The following SLC7A9 variants were observed in gnomAD, a reference collection of about 807,000 sequenced individuals.
SLC7A9 encodes solute carrier family 7 member 9, also known as B(0,+)-type amino acid transporter 1.
SLC7A9 carries 38 observed loss-of-function variants against 54.1 expected under a neutral mutation model. The observed-to-expected ratio is 0.70, with a 90% CI of 0.54 to 0.92. The LOEUF (loss-of-function observed/expected upper bound fraction) is 0.92. Among genes scored for constraint, SLC7A9 ranks in the 40% least tolerant of loss-of-function variants. SLC7A9 has a pLI of 0.00. For synonymous variants in SLC7A9, 264 were observed against 258.9 expected (o/e 1.02, Z -0.19); for missense variants, 537 against 636.1 (o/e 0.84, Z 1.68).
rs1416653365 is a variant in SLC7A9 at position 32,868,253 on chromosome 19, A to T, written c.87+195T>A. 2.6e-5 allele frequency among the ~76,000 whole-genome samples: 4 copies of T among 151,174 alleles called. No individual in the cohort carries two copies. The East Asian group carries it at 7.7e-4, about 29-fold the overall frequency. ...CTCAAAAAAAAAAAAAAAAAAAAGA[A>T]GATGCAGAATTCCCTGGCGAGAGGG... On this transcript the variant is annotated intron_variant, in intron 2 of 12. Coordinates refer to ENST00000023064, the MANE Select transcript of SLC7A9 (RefSeq NM_014270.5).
rs959513717 is a variant in SLC7A9, at chr19:32,860,225, C to T, written c.750-261G>A. On this transcript the variant is annotated intron_variant, in intron 7 of 12. Coordinates refer to ENST00000023064, the MANE Select transcript of SLC7A9 (RefSeq NM_014270.5). ...TTAGGAGCCACTGCTCTGTCCCAAA[C>T]CAAACCAAACTCTAAGCGTGCATAG... 4.9e-6 allele frequency: 7 copies of T among 1,430,344 alleles called. No individual in the cohort carries two copies. The East Asian group carries it at 1.9e-4, about 39-fold the overall frequency. 88.6% of individuals were successfully genotyped at this position (1,430,344 alleles called of 1,614,324 possible). A position where few individuals can be genotyped will look rare whatever the true frequency, so the allele number is the denominator to read the frequency against.
At chr19:32,851,668 T>C (rs924321427) in intron 9 of SLC7A9, among the ~76,000 whole-genome samples, 3 of 152,140 alleles carry the variant, frequency 2.0e-5, no homozygotes, top group African/African-American at 7.2e-5. Flanking sequence ...ATCGCATTAC[T>C]GGGTATATAC....
intron 12 of SLC7A9, 156 bp downstream of exon 12, chr19:32,832,993 T>A: frequency 3.9e-6 from 3 of 761,426 alleles, no homozygotes; most frequent in Non-Finnish European, 7.2e-6. Context: ...GACCCAGAGG[T>A]GTACAGTGAG....
chr19:32,836,884 GTCTGATAAGA>G (rs541229455), intron 11 of SLC7A9, among the ~76,000 whole-genome samples: 53 of 152,288 alleles, frequency 3.5e-4, no homozygotes, highest in South Asian at 6.2e-4. Flanking sequence ...CTGAGCACTT[GTCTGATAAGA>G]TCACAGCCCC....
At position 32,839,369 on chromosome 19, in the gene SLC7A9, A is replaced by G. The variant is rs959551595; in HGVS notation, c.1224+2799T>C. On this transcript the variant is annotated intron_variant, in intron 11 of 12. Transcript: ENST00000023064. Reference sequence around the variant, plus strand: ...GGAGTTCGAGACCAGCCTGACCAACATGGTGAAACCCTGTCTCTACTAAAA... The same window carrying G: ...GGAGTTCGAGACCAGCCTGACCAACGTGGTGAAACCCTGTCTCTACTAAAA... 1.3e-5 allele frequency among the ~76,000 whole-genome samples: 2 copies of G among 152,208 alleles called. 1 individual carries two copies. Among genetic ancestry groups the G allele is most frequent in the Admixed American group, 1.3e-4 (2 of 15,272 alleles).
chr19:32,867,790 C>T (rs1167250205), intron 2 of SLC7A9, among the ~76,000 whole-genome samples: 1 of 151,198 alleles, frequency 6.6e-6, no homozygotes, highest in South Asian at 2.1e-4. Flanking sequence ...ACTGAAAATA[C>T]AAAAATTAGC....
At chr19:32,861,682 G>A (rs1968803596) in intron 6 of SLC7A9, among the ~76,000 whole-genome samples, 1 of 152,124 alleles carries the variant, frequency 6.6e-6, no homozygotes, top group Non-Finnish European at 1.5e-5. Context: ...GGGCATGGCA[G>A]CTCCTATCTG....
In SLC7A9 at chr19:32,864,301, G is replaced by A. The variant is rs1968896728; in HGVS notation, c.273C>T (p.Thr91=). The A allele has an allele frequency of 1.2e-6, 2 of 1,614,062 alleles. No individual in the cohort carries two copies. Among genetic ancestry groups the A allele is most frequent in the African/African-American group, 2.7e-5 (2 of 75,034 alleles). The change falls in exon 4 of 13, where the codon ACC becomes ACT. Residue 91 remains threonine, a synonymous_variant. Coordinates refer to ENST00000023064, the MANE Select transcript of SLC7A9 (RefSeq NM_014270.5). The part of the protein sequence containing the change: ...LCFAELGTMI[T]KSGGEYPYLM... ...GGTAGGGATACTCTCCCCCTGACTT[G>A]GTGATCATTGTGCCAAGCTCCGCAA...
intron 9 of SLC7A9, 77 bp downstream of exon 9, chr19:32,858,363 G>A (rs1599678715): frequency 2.0e-6 from 2 of 1,010,058 alleles, no homozygotes; most frequent in East Asian, 5.0e-5. Context: ...GAGGATTTTA[G>A]CTGTGTGTCT....
rs142691713 is a variant in SLC7A9 at position 32,839,173 on chromosome 19, A to G, written c.1224+2995T>C. Among the ~76,000 whole-genome samples the G allele has an allele frequency of 4.7e-3, 710 of 152,178 alleles. 5 individuals are homozygous for G. The highest frequency in any genetic ancestry group is 0.013 in the African/African-American group (553 of 41,502). The stretch of plus-strand genomic sequence containing the variant: ...ACTTCTGTCCCCTTTATCTCTCATC[A>G]TTAATCTTAGTTCTATAATTTGATA... On this transcript the variant is annotated intron_variant, in intron 11 of 12. Transcript: ENST00000023064.
chr19:32,862,400 T>C, intron 5 of SLC7A9, 61 bp downstream of exon 5: 2 of 1,607,694 alleles, frequency 1.2e-6, no homozygotes, highest in Non-Finnish European at 1.7e-6. Context: ...AGGCTGCTCC[T>C]GCTCCCAGTG....
chr19:32,861,919 CT>C lies in SLC7A9; in HGVS notation c.704+198del, dbSNP rs779400170. On this transcript the variant is annotated intron_variant, in intron 6 of 12. Coordinates refer to ENST00000023064, the MANE Select transcript of SLC7A9 (RefSeq NM_014270.5). The stretch of plus-strand genomic sequence containing the variant: ...CAGTGAGGGTTCTACACAGAGCACT[CT>C]GGCTGACTGAGCAGGTGTCTCAGGG... Among the ~76,000 whole-genome samples, 10 of 152,250 alleles carry C rather than the reference CT, an allele frequency of 6.6e-5. No homozygotes were observed. The South Asian group carries it at 1.9e-3, about 28-fold the overall frequency.
In SLC7A9 at chr19:32,844,857, C is replaced by CAAAAAAAAAAAAAAAAAA. The variant is rs386388892; in HGVS notation, c.978-924_978-907dup. 1.2e-3 allele frequency among the ~76,000 whole-genome samples: 37 copies of CAAAAAAAAAAAAAAAAAA among 30,314 alleles called. 10 individuals are homozygous for CAAAAAAAAAAAAAAAAAA. Among genetic ancestry groups the CAAAAAAAAAAAAAAAAAA allele is most frequent in the Non-Finnish European group, 1.8e-3 (31 of 16,988 alleles). The allele number at this position is 30,314 out of a possible 152,430, so 19.9% of individuals were successfully genotyped here. A position where few individuals can be genotyped will look rare whatever the true frequency, so the allele number is the denominator to read the frequency against. On this transcript the variant is annotated intron_variant, in intron 9 of 12. Transcript: ENST00000023064. ...TGGACGACAGAGTGAGAATCCATCT[C>CAAAAAAAAAAAAAAAAAA]AAAAAAAAAAAAAAAAAAAAAAAAA...
At chr19:32,851,262 C>T (rs952201752) in intron 9 of SLC7A9, among the ~76,000 whole-genome samples, 2,494 of 151,584 alleles carry the variant, frequency 0.016, 69 homozygotes, top group African/African-American at 0.057. Context: ...AGAAAATTTT[C>T]GCAACCTACT....
intron 10 of SLC7A9, among the ~76,000 whole-genome samples, chr19:32,843,594 TTA>T (rs1226140626): frequency 6.6e-6 from 1 of 152,166 alleles, no homozygotes; most frequent in Non-Finnish European, 1.5e-5. Context: ...TAGTGGGCTT[TTA>T]TATAGAGTTT....
At chr19:32,832,766 G>A (rs1316444398) in intron 12 of SLC7A9, 2 of 241,216 alleles carry the variant, frequency 8.3e-6, no homozygotes, top group African/African-American at 4.5e-5. Flanking sequence ...AAAAAAAATA[G>A]CCAGGTGTAG....
rs142721539 is a variant in SLC7A9, at chr19:32,864,681, A to T, written c.183T>A (p.Ala61=). ...SPKSVLSNTE[A]VGPCLIIWAA... ...CCCATATGATGAGGCAGGGCCCCAC[A>T]GCTTCCGTGTTGCTGAGCACAGACT... The change falls in exon 3 of 13, where the codon GCT becomes GCA. Residue 61 remains alanine, a synonymous_variant. Transcript: ENST00000023064. 772 of 1,614,152 alleles carry T rather than the reference A, an allele frequency of 4.8e-4. 1 individual carries two copies. Among genetic ancestry groups the T allele is most frequent in the Non-Finnish European group, 6.2e-4 (734 of 1,180,026 alleles).
intron 10 of SLC7A9, among the ~76,000 whole-genome samples, chr19:32,843,111 A>G (rs1023396013): frequency 1.5e-4 from 23 of 152,206 alleles, no homozygotes; most frequent in African/African-American, 5.5e-4. Context: ...CAGTGCCCAG[A>G]ACAGTTGCAC....
chr19:32,852,092 C>T (rs540107380), intron 9 of SLC7A9, among the ~76,000 whole-genome samples: 1 of 151,966 alleles, frequency 6.6e-6, no homozygotes, highest in Non-Finnish European at 1.5e-5. Flanking sequence ...TTAATGGGTG[C>T]AGCACACCAA....
Sources: allele counts gnomAD v4.1 joint callset (sites outside exome capture counted in the v4.1 genomes callset), GRCh38; gene constraint gnomAD v4.1.1; transcripts MANE v1.5; gene names NCBI Gene and HGNC (gene_info 2026-07-23, HGNC 2026-07-21).